The following CFAP47 variants were observed in gnomAD, a reference collection of about 807,000 sequenced individuals.
CFAP47 encodes cilia and flagella associated protein 47.
CFAP47 carries 29 observed loss-of-function variants against 148.1 expected under a neutral mutation model. The ratio of observed to expected loss-of-function variants is 0.20; its 90% confidence interval spans 0.15 to 0.27. The LOEUF (loss-of-function observed/expected upper bound fraction) is 0.27. Among genes scored for constraint, CFAP47 ranks in the 10% least tolerant of loss-of-function variants. CFAP47 has a pLI of 1.00. For missense variants in CFAP47, 1,872 were observed against 1,697.5 expected, an observed-to-expected ratio of 1.10 and a Z score of -1.81; for synonymous variants, 664 against 577.3, an observed-to-expected ratio of 1.15 and a Z score of -2.15.
At chrX:36,088,461 A>T (rs1938126301) in intron 30 of CFAP47, among the ~76,000 whole-genome samples, 1 of 110,932 alleles carries the variant, frequency 9.0e-6, no homozygotes, top group Non-Finnish European at 1.9e-5. Context: ...ATCCAATAGG[A>T]TGGATGTCCT....
chrX:36,185,464 TG>T (rs1297082949), intron 40 of CFAP47, among the ~76,000 whole-genome samples: 2 of 111,513 alleles, frequency 1.8e-5, no homozygotes, highest in Non-Finnish European at 3.8e-5. Flanking sequence ...AGGCCAAGTA[TG>T]GTAGTTATCT....
At chrX:36,091,375 A>T (rs1447434228) in intron 30 of CFAP47, among the ~76,000 whole-genome samples, 1 of 111,259 alleles carries the variant, frequency 9.0e-6, no homozygotes, top group Non-Finnish European at 1.9e-5. Context: ...GGCACAAGAA[A>T]ATATTCCAGT....
intron 22 of CFAP47, among the ~76,000 whole-genome samples, chrX:36,026,935 T>C (rs2146714891): frequency 9.2e-6 from 1 of 109,260 alleles, no homozygotes; most frequent in South Asian, 3.9e-4. Flanking sequence ...GTTATTGTCT[T>C]CTATCTTCTC....
At chrX:35,945,456 A>G (rs1164391863) in intron 3 of CFAP47, among the ~76,000 whole-genome samples, 3 of 111,059 alleles carry the variant, frequency 2.7e-5, no homozygotes, top group African/African-American at 9.8e-5. Flanking sequence ...TCCTAGATCT[A>G]TACAATCCTT....
chrX:36,188,538 C>T (rs1175040507), intron 40 of CFAP47, 82 bp from the exon 41 acceptor site: 1 of 291,098 alleles, frequency 3.4e-6, no homozygotes, highest in Non-Finnish European at 6.0e-6. Context: ...TTTCAAGGCT[C>T]TATATGATTT....
rs755904137 is a variant in CFAP47 at position 35,948,330 on chromosome X, A to G, written c.534A>G (p.Glu178=). 8.3e-7 allele frequency: 1 copy of G among 1,204,654 alleles called. No individual in the cohort carries two copies. The highest frequency in any genetic ancestry group is 1.1e-6 in the Non-Finnish European group (1 of 889,711). ...HGKAPGIFKA[E]YHGQLPILIF... Reference sequence around the variant, plus strand: ...TCCCTATAGGCATATTTAAGGCAGAATACCACGGCCAATTACCCATCCTCA... The same window carrying G: ...TCCCTATAGGCATATTTAAGGCAGAGTACCACGGCCAATTACCCATCCTCA... The change falls in exon 4 of 64, where the codon GAA becomes GAG. Residue 178 remains glutamate (E), a synonymous_variant. Transcript: ENST00000378653.
intron 30 of CFAP47, among the ~76,000 whole-genome samples, chrX:36,092,160 G>A (rs1938196469): frequency 9.0e-6 from 1 of 111,230 alleles, no homozygotes; most frequent in African/African-American, 3.3e-5. Context: ...TACATACATA[G>A]GCTTTAAAAT....
At position 36,277,819 on chromosome X, in the gene CFAP47, C is replaced by A. The variant is rs781937989; in HGVS notation, c.7445-2668C>A. ...ATAGAATATTACCATCTTGTCAAGT[C>A]TCTATCCTCAGCTGCAGGTCTGTTG... On this transcript the variant is annotated intron_variant, in intron 49 of 63. Transcript: ENST00000378653. Among the ~76,000 whole-genome samples, 14 of 112,325 alleles carry A rather than the reference C, an allele frequency of 1.2e-4. No homozygotes were observed. In the Admixed American group the frequency reaches 1.3e-3, roughly 11 times the overall value.
chrX:36,157,850 A>G (rs1021805157), intron 37 of CFAP47, among the ~76,000 whole-genome samples: 1 of 111,831 alleles, frequency 8.9e-6, no homozygotes, highest in Admixed American at 9.5e-5. Context: ...CTGTTATCTT[A>G]ATAAATAATT....
chrX:35,966,859 G>C (rs1376621324), intron 9 of CFAP47, 105 bp downstream of exon 9: 1 of 554,995 alleles, frequency 1.8e-6, no homozygotes, highest in Non-Finnish European at 2.6e-6. Context: ...ATATGTGAAA[G>C]AAGTGCTTTT....
At chrX:35,939,915 T>C (rs1444086745) in intron 2 of CFAP47, among the ~76,000 whole-genome samples, 2 of 101,208 alleles carry the variant, frequency 2.0e-5, no homozygotes, top group Non-Finnish European at 4.0e-5. Context: ...CCACCAACAG[T>C]GTAAAAGTGT....
chrX:35,998,282 G>T (rs374913240), intron 19 of CFAP47, among the ~76,000 whole-genome samples: 1 of 111,070 alleles, frequency 9.0e-6, no homozygotes, highest in Non-Finnish European at 1.9e-5. Flanking sequence ...TTGATAGAGT[G>T]CACACACACA....
At chrX:36,043,301 A>G (rs903332925) in intron 25 of CFAP47, among the ~76,000 whole-genome samples, 1 of 112,477 alleles carries the variant, frequency 8.9e-6, no homozygotes, top group African/African-American at 3.2e-5. Context: ...TTCAAAAGCA[A>G]TCATGTCTTC....
At chrX:36,322,544 T>C (rs1556012201) in intron 57 of CFAP47, among the ~76,000 whole-genome samples, 1 of 111,518 alleles carries the variant, frequency 9.0e-6, no homozygotes, top group African/African-American at 3.2e-5. Flanking sequence ...CTACAATTAG[T>C]AGTTATATAT....
Position 36,371,870 on chromosome X carries a change from A to ATGTGTATATATG in CFAP47, c.9185+4748_9185+4759dup, listed in dbSNP as rs1491269421. On this transcript the variant is annotated intron_variant, in intron 62 of 63. Coordinates refer to ENST00000378653, the MANE Select transcript of CFAP47 (RefSeq NM_001304548.2). ...TGTATATATGTGTGCATATACACAC[A>ATGTGTATATATG]TGTGTATATATGTGTGCATATACAC... Among the ~76,000 whole-genome samples, 190 of 68,301 alleles carry ATGTGTATATATG rather than the reference A, an allele frequency of 2.8e-3. 13 individuals are homozygous for ATGTGTATATATG. Among genetic ancestry groups the ATGTGTATATATG allele is most frequent in the African/African-American group, 0.014 (167 of 11,689 alleles). The allele number at this position is 68,301 out of a possible 115,157, so 59.3% of individuals were successfully genotyped here. A position where few individuals can be genotyped will look rare whatever the true frequency, so the allele number is the denominator to read the frequency against.
intron 55 of CFAP47, among the ~76,000 whole-genome samples, 183 bp downstream of exon 55, chrX:36,307,059 G>T (rs1376211359): frequency 9.0e-6 from 1 of 111,039 alleles, no homozygotes; most frequent in Non-Finnish European, 1.9e-5. Flanking sequence ...TCTGAAGAAG[G>T]TATTTTTAAA....
chrX:36,160,172 A>G (rs1219499606), intron 38 of CFAP47, among the ~76,000 whole-genome samples: 5 of 111,647 alleles, frequency 4.5e-5, no homozygotes, highest in Non-Finnish European at 1.9e-5. Context: ...GTTGTTGAGG[A>G]AGGCACTGAG....
intron 24 of CFAP47, among the ~76,000 whole-genome samples, chrX:36,037,087 C>T (rs750324971): frequency 2.8e-4 from 31 of 111,439 alleles, no homozygotes; most frequent in Non-Finnish European, 4.7e-4. Context: ...TCTCTAGTTT[C>T]ATCTCCATTT....
chrX:36,065,776 C>T, intron 27 of CFAP47, 33 bp downstream of exon 27: 1 of 836,562 alleles, frequency 1.2e-6, no homozygotes, highest in Non-Finnish European at 1.8e-6. Context: ...ATCCCTAACT[C>T]TCACTGTATA....
Sources: gnomAD v4.1 joint callset for allele counts (sites outside exome capture counted in the v4.1 genomes callset) on GRCh38, gnomAD v4.1.1 for gene constraint, MANE v1.5 for transcripts, NCBI Gene and HGNC (gene_info 2026-07-23, HGNC 2026-07-21) for gene names.